NXPE4: variants seen among roughly 807,000 people sequenced by gnomAD.
The protein encoded by NXPE4 is neurexophilin and PC-esterase domain family member 4, also known as NXPE family member 4.
In NXPE4, 42 loss-of-function variants were observed where a neutral mutation model predicts 33.3. The ratio of observed to expected loss-of-function variants is 1.26; its 90% confidence interval spans 0.98 to 1.63. NXPE4 has a LOEUF of 1.63. NXPE4 is among the 40% of genes most tolerant of loss of function. NXPE4 has a pLI of 0.00. For synonymous variants in NXPE4, 253 were observed against 234.9 expected (o/e 1.08, Z -0.71); for missense variants, 709 against 647.6 (o/e 1.09, Z -1.03).
chr11:114,605,217 G>A, the NXPE4 span, among the ~76,000 whole-genome samples: 32 of 151,776 alleles, frequency 2.1e-4, no homozygotes, highest in African/African-American at 6.5e-4. Flanking sequence ...GTATTGCCTC[G>A]TGGGTAACTG....
the NXPE4 span, among the ~76,000 whole-genome samples, chr11:114,642,633 T>G: frequency 6.6e-6 from 1 of 152,128 alleles, no homozygotes; most frequent in South Asian, 2.1e-4. Flanking sequence ...ATGGTGTACA[T>G]GTGCCACATC....
chr11:114,658,275 A>G, the NXPE4 span, among the ~76,000 whole-genome samples: 1 of 152,242 alleles, frequency 6.6e-6, no homozygotes, highest in Non-Finnish European at 1.5e-5. Flanking sequence ...ATGAACTGCC[A>G]TATAAACAGG....
chr11:114,583,344 A>G lies in NXPE4; in HGVS notation c.97-323T>C, dbSNP rs1456901149. On this transcript the variant is annotated intron_variant, in intron 2 of 5. Transcript: ENST00000375478. ...TATTATGGACAAGCCCACCCAAGGA[A>G]TCCTCACTGAATCTGCGTGACTCAT... 1.8e-5 allele frequency: 11 copies of G among 619,980 alleles called. No individual in the cohort carries two copies. In the East Asian group the frequency reaches 3.7e-4, roughly 21 times the overall value. The allele number at this position is 619,980 out of a possible 1,614,324, so 38.4% of individuals were successfully genotyped here.
the NXPE4 span, among the ~76,000 whole-genome samples, chr11:114,615,784 G>T: frequency 6.6e-6 from 1 of 151,624 alleles, no homozygotes; most frequent in African/African-American, 2.4e-5. Context: ...GGTAACCACT[G>T]TTACCCAATG....
At chr11:114,666,934 T>G in the NXPE4 span, among the ~76,000 whole-genome samples, 2 of 152,156 alleles carry the variant, frequency 1.3e-5, no homozygotes, top group Non-Finnish European at 2.9e-5. Context: ...AAAACACCCC[T>G]GCACACATCC....
chr11:114,602,290 T>C, the NXPE4 span, among the ~76,000 whole-genome samples: 1 of 119,492 alleles, frequency 8.4e-6, no homozygotes, highest in Non-Finnish European at 1.6e-5. Context: ...ATATATGTTA[T>C]CTATAACATA....
chr11:114,636,595 C>G, the NXPE4 span, among the ~76,000 whole-genome samples: 4 of 151,862 alleles, frequency 2.6e-5, no homozygotes, highest in Non-Finnish European at 5.9e-5. Context: ...CTCTTGTGGG[C>G]ATTTAGTGCT....
At chr11:114,586,695 G>A (rs1396339700) in intron 2 of NXPE4, among the ~76,000 whole-genome samples, 3 of 152,140 alleles carry the variant, frequency 2.0e-5, no homozygotes, top group Admixed American at 2.0e-4. Context: ...GTTACCTGAA[G>A]GTTTCTGGAC....
chr11:114,586,658 G>C (rs1949305544), intron 2 of NXPE4, among the ~76,000 whole-genome samples: 1 of 152,088 alleles, frequency 6.6e-6, no homozygotes, highest in Non-Finnish European at 1.5e-5. Flanking sequence ...AGGCACTGAA[G>C]GTTCCTTGCC....
chr11:114,583,477 C>A, intron 2 of NXPE4: 1 of 654,918 alleles, frequency 1.5e-6, no homozygotes, highest in East Asian at 4.0e-5. Flanking sequence ...ACATTAAATT[C>A]TTGTGCTCCA....
chr11:114,671,438 C>T, the NXPE4 span, among the ~76,000 whole-genome samples: 2 of 151,750 alleles, frequency 1.3e-5, no homozygotes, highest in African/African-American at 4.8e-5. Flanking sequence ...ATCCAAGATA[C>T]TTAATAAAGT....
intron 2 of NXPE4, among the ~76,000 whole-genome samples, chr11:114,592,974 T>C (rs566489479): frequency 3.3e-5 from 5 of 152,232 alleles, no homozygotes; most frequent in African/African-American, 1.2e-4. Flanking sequence ...AATATCCATA[T>C]GCAAAAGAAT....
the NXPE4 span, among the ~76,000 whole-genome samples, chr11:114,675,904 T>G: frequency 5.1e-3 from 774 of 151,854 alleles, 14 homozygotes; most frequent in African/African-American, 0.017. Flanking sequence ...AACAGACACA[T>G]AGAAGAATGG....
At chr11:114,632,417 A>G in the NXPE4 span, among the ~76,000 whole-genome samples, 9 of 132,156 alleles carry the variant, frequency 6.8e-5, no homozygotes, top group Admixed American at 8.2e-4. Context: ...ATAATTTTAT[A>G]TAATATAAAT....
the NXPE4 span, among the ~76,000 whole-genome samples, chr11:114,630,526 G>A: frequency 4.0e-5 from 6 of 151,502 alleles, no homozygotes; most frequent in Non-Finnish European, 7.4e-5. Context: ...ATCAATTCAA[G>A]ATGGATTAAA....
At chr11:114,660,993 A>T in the NXPE4 span, among the ~76,000 whole-genome samples, 1 of 152,190 alleles carries the variant, frequency 6.6e-6, no homozygotes, top group East Asian at 1.9e-4. Context: ...ATTAAAATTA[A>T]TAACACAGCA....
chr11:114,608,790 G>A, the NXPE4 span, among the ~76,000 whole-genome samples: 1 of 151,752 alleles, frequency 6.6e-6, no homozygotes, highest in Non-Finnish European at 1.5e-5. Context: ...CGGTTACCCT[G>A]TGGAAAATAA....
the NXPE4 span, among the ~76,000 whole-genome samples, chr11:114,669,786 A>T: frequency 6.6e-6 from 1 of 151,910 alleles, no homozygotes; most frequent in Non-Finnish European, 1.5e-5. Flanking sequence ...TTTCAGTCCT[A>T]AAAAAAACTC....
chr11:114,667,162 G>A, the NXPE4 span, among the ~76,000 whole-genome samples: 1 of 152,116 alleles, frequency 6.6e-6, no homozygotes, highest in African/African-American at 2.4e-5. Context: ...GAAGATCCAG[G>A]TCCTGATTGA....
Sources: allele counts gnomAD v4.1 joint callset (sites outside exome capture counted in the v4.1 genomes callset), GRCh38; gene constraint gnomAD v4.1.1; transcripts MANE v1.5; gene names NCBI Gene and HGNC (gene_info 2026-07-23, HGNC 2026-07-21).